The following PCGF5 variants were observed in gnomAD, a reference collection of about 807,000 sequenced individuals.
The protein encoded by PCGF5 is polycomb group ring finger 5.
Under a neutral mutation model 44.3 loss-of-function variants are expected in PCGF5, and 9 were observed. The observed-to-expected ratio is 0.20, with a 90% confidence interval of 0.12 to 0.35. The LOEUF is 0.35. Ranked by LOEUF, PCGF5 falls within the 10% of genes least tolerant of loss-of-function variation. The probability of loss-of-function intolerance (pLI) is 1.00; values close to 1 mark genes in which losing one functional copy is unlikely to be tolerated. For synonymous variants in PCGF5, 95 were observed against 102.5 expected (o/e 0.93, Z 0.44); for missense variants, 146 against 305.3 (o/e 0.48, Z 3.89).
rs180866724 is a variant in PCGF5, at chr10:91,168,392, T to C, written c.-184+5311T>C. Reference sequence around the variant, plus strand: ...CTGATAGGGTAGAGGATGGGCTGAGTTGAAGACTGGGAAAAGGACATTAGA... The same window carrying C: ...CTGATAGGGTAGAGGATGGGCTGAGCTGAAGACTGGGAAAAGGACATTAGA... On this transcript the variant is annotated intron_variant, in intron 1 of 9. Coordinates refer to the PCGF5 transcript ENST00000614189. Among the ~76,000 whole-genome samples the C allele has an allele frequency of 5.3e-5, 8 of 152,164 alleles. No individual in the cohort carries two copies. In the East Asian group the frequency reaches 1.5e-3, roughly 29 times the overall value.
At chr10:91,179,160 C>G (rs570718297) in intron 1 of PCGF5, among the ~76,000 whole-genome samples, 12 of 151,826 alleles carry the variant, frequency 7.9e-5, no homozygotes, top group Non-Finnish European at 1.2e-4. Flanking sequence ...CCTGTCCTCT[C>G]TCATTACTTT....
chr10:91,195,483 T>G (rs2420803), intron 1 of PCGF5, among the ~76,000 whole-genome samples: 1,381 of 102,114 alleles, frequency 0.014, 9 homozygotes, highest in East Asian at 0.044. Context: ...TATATATATA[T>G]ATAGAGAGAG....
chr10:91,195,041 C>T (rs992355678), intron 1 of PCGF5, among the ~76,000 whole-genome samples: 49 of 151,840 alleles, frequency 3.2e-4, no homozygotes, highest in Non-Finnish European at 5.9e-4. Context: ...TCTGATGACT[C>T]AGTTTTCTCA....
At chr10:91,182,345 T>C (rs541104753) in intron 1 of PCGF5, among the ~76,000 whole-genome samples, 121 of 152,306 alleles carry the variant, frequency 7.9e-4, no homozygotes, top group Non-Finnish European at 1.3e-3. Context: ...TTTATAAGCA[T>C]AGAGGTGTTT....
intron 1 of PCGF5, among the ~76,000 whole-genome samples, chr10:91,207,177 A>G (rs1326401873): frequency 1.3e-5 from 2 of 152,166 alleles, no homozygotes; most frequent in African/African-American, 2.4e-5. Flanking sequence ...TTTTCAGCCT[A>G]TCATTTACTT....
At chr10:91,169,027 G>A (rs577547762) in intron 1 of PCGF5, among the ~76,000 whole-genome samples, 6 of 151,520 alleles carry the variant, frequency 4.0e-5, no homozygotes, top group East Asian at 1.9e-4. Flanking sequence ...AATGAAGATC[G>A]AGGGAGGACG....
chr10:91,223,121 T>C, intron 2 of PCGF5, 138 bp downstream of exon 2: 1 of 645,792 alleles, frequency 1.5e-6, no homozygotes, highest in Non-Finnish European at 2.6e-6. Context: ...AACTTTGAAT[T>C]TTCAGAATAT....
upstream of PCGF5, among the ~76,000 whole-genome samples, chr10:91,160,640 G>A (rs558685551): frequency 6.6e-6 from 1 of 152,084 alleles, no homozygotes; most frequent in Non-Finnish European, 1.5e-5. Context: ...GAGACTCTGG[G>A]GGGGAAAAGA....
chr10:91,271,312 G>A (rs1055719411), intron 8 of PCGF5, among the ~76,000 whole-genome samples: 2 of 152,006 alleles, frequency 1.3e-5, no homozygotes, highest in African/African-American at 4.8e-5. Flanking sequence ...GAAGAAAGAG[G>A]ATGTCCCTCG....
intron 9 of PCGF5, among the ~76,000 whole-genome samples, chr10:91,272,997 T>A (rs1846217368): frequency 6.6e-6 from 1 of 152,216 alleles, no homozygotes; most frequent in African/African-American, 2.4e-5. Context: ...ATTGAAAATG[T>A]TTAATTAGCA....
At chr10:91,161,169 C>T (rs1482578179), upstream of PCGF5, among the ~76,000 whole-genome samples, 2 of 152,224 alleles carry the variant, frequency 1.3e-5, no homozygotes, top group African/African-American at 4.8e-5. Context: ...CCTCTCTTTG[C>T]CCCTCCAGCC....
chr10:91,220,604 T>G (rs1589375303), upstream of PCGF5: 1 of 140,528 alleles, frequency 7.1e-6, no homozygotes, highest in Non-Finnish European at 1.6e-5. Context: ...CGGTTGGAAG[T>G]GGGTGGAGTT....
At chr10:91,241,275 G>A (rs1444936326) in intron 3 of PCGF5, among the ~76,000 whole-genome samples, 1 of 151,820 alleles carries the variant, frequency 6.6e-6, no homozygotes, top group African/African-American at 2.4e-5. Context: ...CTCCATGTTG[G>A]TCAGGCTGGT....
At chr10:91,230,978 G>T (rs551844144) in intron 2 of PCGF5, among the ~76,000 whole-genome samples, 2 of 152,112 alleles carry the variant, frequency 1.3e-5, no homozygotes, top group East Asian at 3.9e-4. Flanking sequence ...TTGAACTCCT[G>T]GACTCAAGCA....
intron 1 of PCGF5, among the ~76,000 whole-genome samples, chr10:91,201,537 A>G (rs1268655645): frequency 6.6e-6 from 1 of 152,108 alleles, no homozygotes; most frequent in East Asian, 1.9e-4. Context: ...AAAATACGTA[A>G]ACAGAGTTAT....
chr10:91,281,418 GTTTAGC>G lies in PCGF5; in HGVS notation c.*3107_*3112del. On this transcript the variant is annotated 3_prime_UTR_variant, in exon 10 of 10. Coordinates refer to ENST00000336126, the MANE Select transcript of PCGF5 (RefSeq NM_032373.5). Reference sequence around the variant, plus strand: ...AGTGTGTTATATAATATTGTGAACTGTTTAGCTTTACTGAAATATTTAAGAGAAAGT... The same window carrying G: ...AGTGTGTTATATAATATTGTGAACTGTTTACTGAAATATTTAAGAGAAAGT... 6.6e-6 allele frequency: 1 copy of G among 152,622 alleles called. No individual in the cohort carries two copies. The highest frequency in any genetic ancestry group is 3.4e-3 in the Middle Eastern group (1 of 294). 9.5% of individuals were successfully genotyped at this position (152,622 alleles called of 1,614,324 possible). A position where few individuals can be genotyped will look rare whatever the true frequency, so the allele number is the denominator to read the frequency against.
intron 1 of PCGF5, among the ~76,000 whole-genome samples, chr10:91,195,651 A>G (rs1010961122): frequency 6.6e-6 from 1 of 151,732 alleles, no homozygotes. Context: ...TACCCAGGCT[A>G]GTCTCGAACT....
At chr10:91,197,431 G>A (rs1844156525) in intron 1 of PCGF5, among the ~76,000 whole-genome samples, 3 of 152,188 alleles carry the variant, frequency 2.0e-5, no homozygotes, top group Admixed American at 2.0e-4. Flanking sequence ...CACAACTGCT[G>A]ATGTTTATTG....
At chr10:91,201,342 C>G (rs150398877) in intron 1 of PCGF5, among the ~76,000 whole-genome samples, 4 of 152,212 alleles carry the variant, frequency 2.6e-5, no homozygotes, top group Non-Finnish European at 5.9e-5. Flanking sequence ...CTAGTCCTAT[C>G]ATGGTCCCCC....
Sources: allele counts gnomAD v4.1 joint callset (sites outside exome capture counted in the v4.1 genomes callset), GRCh38; gene constraint gnomAD v4.1.1; transcripts MANE v1.5; gene names NCBI Gene and HGNC (gene_info 2026-07-23, HGNC 2026-07-21).